PRR16: variants seen among roughly 807,000 people sequenced by gnomAD.
PRR16 encodes the protein protein Largen.
A neutral mutation model predicts 18.2 loss-of-function variants in PRR16; 6 were observed. That is an observed-to-expected ratio of 0.33 (90% CI 0.18 to 0.65). The LOEUF (loss-of-function observed/expected upper bound fraction) is 0.65. Ranked by LOEUF, PRR16 falls within the 30% of genes least tolerant of loss-of-function variation. PRR16 has a pLI of 0.74. For synonymous variants in PRR16, 151 were observed against 147.8 expected (o/e 1.02, Z -0.16); for missense variants, 412 against 376.6 (o/e 1.09, Z -0.78).
chr5:120,576,573 A>G (rs1181406873), intron 1 of PRR16, among the ~76,000 whole-genome samples: 2 of 152,176 alleles, frequency 1.3e-5, no homozygotes, highest in Non-Finnish European at 2.9e-5. Flanking sequence ...GCGGAAATGT[A>G]AATTAGTATA....
rs1751442458 is a variant in PRR16 at position 120,528,453 on chromosome 5, G to T, written c.159+63808G>T. ...GCAACTTTGCCATATTCTGGTGATG[G>T]GGTAGAGAAAAGAACCTGACATAAC... On this transcript the variant is annotated intron_variant, in intron 1 of 1. Coordinates refer to ENST00000407149, the MANE Select transcript of PRR16 (RefSeq NM_001300783.2). 2.6e-5 allele frequency among the ~76,000 whole-genome samples: 4 copies of T among 152,176 alleles called. No individual in the cohort carries two copies. The South Asian group carries it at 8.3e-4, about 31-fold the overall frequency.
At chr5:120,536,556 CAT>C (rs1184745868) in intron 1 of PRR16, among the ~76,000 whole-genome samples, 1 of 151,990 alleles carries the variant, frequency 6.6e-6, no homozygotes, top group Non-Finnish European at 1.5e-5. Flanking sequence ...TTACACAAAA[CAT>C]ATGTGAATGA....
chr5:120,722,842 T>TGTG, the PRR16 span, among the ~76,000 whole-genome samples: 55,556 of 151,230 alleles, frequency 0.37, 11,436 homozygotes, highest in Middle Eastern at 0.53. Context: ...CACCTGGAGT[T>TGTG]GGAATTTTCT....
At chr5:120,544,107 A>C (rs1752000552) in intron 1 of PRR16, among the ~76,000 whole-genome samples, 1 of 152,158 alleles carries the variant, frequency 6.6e-6, no homozygotes, top group African/African-American at 2.4e-5. Context: ...TGACAAATAC[A>C]AATGCTTGAA....
the PRR16 span, among the ~76,000 whole-genome samples, chr5:120,774,450 G>A: frequency 6.6e-6 from 1 of 152,020 alleles, no homozygotes. Context: ...ATTATTCTCT[G>A]TAGTAAGACC....
At chr5:120,683,091 CAG>C (rs1183530654) in intron 1 of PRR16, among the ~76,000 whole-genome samples, 1 of 151,926 alleles carries the variant, frequency 6.6e-6, no homozygotes, top group Non-Finnish European at 1.5e-5. Context: ...TAAAGAATAC[CAG>C]AGAGATTGGG....
chr5:120,506,049 A>G (rs1750636439), intron 1 of PRR16, among the ~76,000 whole-genome samples: 1 of 151,358 alleles, frequency 6.6e-6, no homozygotes, highest in Non-Finnish European at 1.5e-5. Flanking sequence ...GTATCATATG[A>G]CAACCAATGA....
chr5:120,485,006 A>G (rs934853397), intron 1 of PRR16, among the ~76,000 whole-genome samples: 2 of 151,868 alleles, frequency 1.3e-5, no homozygotes, highest in African/African-American at 4.8e-5. Context: ...GAAGGAATAG[A>G]TAAGGTTTTT....
chr5:120,625,054 C>T (rs1171996527), intron 1 of PRR16, among the ~76,000 whole-genome samples: 1 of 152,170 alleles, frequency 6.6e-6, no homozygotes, highest in Admixed American at 6.5e-5. Context: ...TTATAAATTG[C>T]CCAGTCTTGC....
chr5:120,655,976 G>C (rs1755961883), intron 1 of PRR16, among the ~76,000 whole-genome samples: 1 of 151,718 alleles, frequency 6.6e-6, no homozygotes, highest in Non-Finnish European at 1.5e-5. Flanking sequence ...TTACTGAACC[G>C]AGCCTTTTAC....
chr5:120,553,142 A>AT (rs1344816171), intron 1 of PRR16, among the ~76,000 whole-genome samples: 2 of 151,878 alleles, frequency 1.3e-5, no homozygotes, highest in African/African-American at 2.4e-5. Flanking sequence ...GTTTGAGGAT[A>AT]TAAAAAAAAA....
chr5:120,524,346 A>C (rs1040213685), intron 1 of PRR16, among the ~76,000 whole-genome samples: 1 of 152,164 alleles, frequency 6.6e-6, no homozygotes, highest in African/African-American at 2.4e-5. Flanking sequence ...CTTTCTTTTT[A>C]ATTCTTCCTT....
chr5:120,575,352 C>CAG (rs1346091937), intron 1 of PRR16, among the ~76,000 whole-genome samples: 1 of 151,398 alleles, frequency 6.6e-6, no homozygotes, highest in Admixed American at 6.6e-5. Flanking sequence ...CACACACACA[C>CAG]ACGAAAACTA....
At chr5:120,627,934 TA>T (rs1219155650) in intron 1 of PRR16, among the ~76,000 whole-genome samples, 3 of 152,258 alleles carry the variant, frequency 2.0e-5, no homozygotes, top group East Asian at 3.9e-4. Flanking sequence ...GTGGTTTCTT[TA>T]AAACAATATC....
chr5:120,520,154 G>A (rs572852140), intron 1 of PRR16, among the ~76,000 whole-genome samples: 10 of 152,298 alleles, frequency 6.6e-5, no homozygotes, highest in African/African-American at 2.2e-4. Context: ...CCAGCACTTT[G>A]GGAGGCCAAG....
At chr5:120,717,838 C>T in the PRR16 span, among the ~76,000 whole-genome samples, 1 of 152,096 alleles carries the variant, frequency 6.6e-6, no homozygotes, top group Non-Finnish European at 1.5e-5. Flanking sequence ...ACTTTATAAA[C>T]AACTATTGAG....
At chr5:120,594,144 C>T (rs912194738) in intron 1 of PRR16, among the ~76,000 whole-genome samples, 1 of 152,032 alleles carries the variant, frequency 6.6e-6, no homozygotes, top group African/African-American at 2.4e-5. Context: ...ATTGGAAGTC[C>T]TGGCAAGAGC....
the PRR16 span, among the ~76,000 whole-genome samples, chr5:120,747,767 G>A: frequency 6.6e-6 from 1 of 151,780 alleles, no homozygotes; most frequent in African/African-American, 2.4e-5. Context: ...ATGAAGGAAG[G>A]AAGGAAGGAG....
chr5:120,488,862 G>A lies in PRR16; in HGVS notation c.159+24217G>A, dbSNP rs200162844. On this transcript the variant is annotated intron_variant, in intron 1 of 1. Transcript: ENST00000407149. The stretch of plus-strand genomic sequence containing the variant: ...TCTGGTGTGTTGTGTCTTTGTTCTC[G>A]TTGGTTTCAAAGAACATCTTTATTT... 9.4e-4 allele frequency among the ~76,000 whole-genome samples: 143 copies of A among 152,076 alleles called. 1 individual carries two copies. The highest frequency in any genetic ancestry group is 3.0e-3 in the African/African-American group (123 of 41,470).
Sources: gnomAD v4.1 joint callset for allele counts (sites outside exome capture counted in the v4.1 genomes callset) on GRCh38, gnomAD v4.1.1 for gene constraint, MANE v1.5 for transcripts, NCBI Gene and HGNC (gene_info 2026-07-23, HGNC 2026-07-21) for gene names.